The following FAM13C variants were observed in gnomAD, a reference collection of about 807,000 sequenced individuals.
The protein encoded by FAM13C is protein FAM13C.
A neutral mutation model predicts 73.2 loss-of-function variants in FAM13C; 37 were observed. The observed-to-expected ratio is 0.51, with a 90% CI of 0.39 to 0.67. The LOEUF (loss-of-function observed/expected upper bound fraction) is 0.67. Among genes scored for constraint, FAM13C ranks in the 30% least tolerant of loss-of-function variants. The pLI, the probability that FAM13C is intolerant of heterozygous loss-of-function variation, is 0.00. For missense variants in FAM13C, 589 were observed against 715.6 expected, an observed-to-expected ratio of 0.82 and a Z score of 2.02; for synonymous variants, 246 against 260.9, an observed-to-expected ratio of 0.94 and a Z score of 0.55.
intron 9 of FAM13C, 50 bp downstream of exon 9, chr10:59,264,035 A>T: frequency 6.6e-7 from 1 of 1,507,990 alleles, no homozygotes; most frequent in Non-Finnish European, 9.2e-7. Context: ...CATTATCACT[A>T]GTTTAACTGC....
rs751452199 is a variant in FAM13C at position 59,352,489 on chromosome 10, A to T, written c.120-15T>A. ...TGTTTTCATCTCTAAAACAGGAAAG[A>T]CCCAATTTAGAAAGTACCTTAAAAA... On this transcript the variant is annotated splice_polypyrimidine_tract_variant and intron_variant, in intron 2 of 13. Transcript: ENST00000618804. The T allele has an allele frequency of 6.3e-7, 1 of 1,583,734 alleles. No homozygotes were observed. Among genetic ancestry groups the T allele is most frequent in the Non-Finnish European group, 8.6e-7 (1 of 1,165,116 alleles).
rs1840704708 is a variant in FAM13C at position 59,246,315 on chromosome 10, TAAAC to T, written c.*1295_*1298del. ...CCTGTTAGAAGTAGATGACTTCAAT[TAAAC>T]AAATTTATGAAGGACATTATTCTGA... On this transcript the variant is annotated 3_prime_UTR_variant, in exon 14 of 14. Coordinates refer to ENST00000618804, the MANE Select transcript of FAM13C (RefSeq NM_198215.4). The T allele has an allele frequency of 5.3e-6, 1 of 188,694 alleles. No individual in the cohort carries two copies. Among genetic ancestry groups the T allele is most frequent in the Non-Finnish European group, 1.1e-5 (1 of 92,098 alleles). 11.7% of individuals were successfully genotyped at this position (188,694 alleles called of 1,614,324 possible).
At position 59,246,913 on chromosome 10, in the gene FAM13C, T is replaced by C. The variant is rs1589312305; in HGVS notation, c.*701A>G. 2 of 300,344 alleles carry C rather than the reference T, an allele frequency of 6.7e-6. No individual in the cohort carries two copies. The highest frequency in any genetic ancestry group is 9.6e-4 in the Middle Eastern group (1 of 1,038). 18.6% of individuals were successfully genotyped at this position (300,344 alleles called of 1,614,324 possible). A position where few individuals can be genotyped will look rare whatever the true frequency, so the allele number is the denominator to read the frequency against. On this transcript the variant is annotated 3_prime_UTR_variant, in exon 14 of 14. Transcript: ENST00000618804. ...TTTTTAATACAATATTTTATTTTAA[T>C]ATAAACATCTGTCAGTTATAGACAA...
chr10:59,253,060 A>T, intron 11 of FAM13C, 62 bp from the exon 12 acceptor site: 1 of 1,521,654 alleles, frequency 6.6e-7, no homozygotes, highest in Non-Finnish European at 9.1e-7. Flanking sequence ...TTGAGGAAAC[A>T]AAAACAGGAA....
Position 59,355,916 on chromosome 10 carries a change from A to C in FAM13C, c.90T>G (p.His30Gln), listed in dbSNP as rs140537206. 1.9e-6 allele frequency: 3 copies of C among 1,613,924 alleles called. No individual in the cohort carries two copies. The African/African-American group carries it at 4.0e-5, about 22-fold the overall frequency. ...GACTGGAGCAATCAGTCTGGTCTTC[A>C]TGTAGAGAGACTGGATCTTCGTCAC... ...TECDEDPVSL[H>Q]EDQTDCSSLR... The change falls in exon 2 of 14, where the codon CAT (histidine) becomes CAG (glutamine). Residue 30 changes from histidine to glutamine, a missense_variant. By Grantham distance (24) the His-to-Gln change is conservative. Transcript: ENST00000618804.
Position 59,300,683 on chromosome 10 carries a change from C to G in FAM13C, c.507+2118G>C, listed in dbSNP as rs115895571. 378 of 152,284 alleles carry G rather than the reference C, an allele frequency of 2.5e-3. 2 individuals carry two copies. Among genetic ancestry groups the G allele is most frequent in the African/African-American group, 8.6e-3 (356 of 41,568 alleles). The allele number at this position is 152,284 out of a possible 1,614,324, so 9.4% of individuals were successfully genotyped here. A position where few individuals can be genotyped will look rare whatever the true frequency, so the allele number is the denominator to read the frequency against. ...ACAGCAAGGCAAATGAAAACTATGACTATATACCAAACATGAATGACCCTC... is the reference window on the plus strand; with the variant it reads ...ACAGCAAGGCAAATGAAAACTATGAGTATATACCAAACATGAATGACCCTC... On this transcript the variant is annotated intron_variant, in intron 5 of 13. Transcript: ENST00000618804.
chr10:59,292,207 G>A (rs1302890023), intron 5 of FAM13C, among the ~76,000 whole-genome samples: 1 of 152,142 alleles, frequency 6.6e-6, no homozygotes, highest in East Asian at 1.9e-4. Flanking sequence ...TTTCTCAATG[G>A]AGTTACTAGT....
At chr10:59,358,485 T>C (rs868741816) in intron 1 of FAM13C, among the ~76,000 whole-genome samples, 1 of 152,236 alleles carries the variant, frequency 6.6e-6, no homozygotes, top group African/African-American at 2.4e-5. Flanking sequence ...TACCGCTTTG[T>C]TCCCCTTCAT....
At chr10:59,258,028 A>G (rs1402390808) in intron 10 of FAM13C, among the ~76,000 whole-genome samples, 1 of 152,204 alleles carries the variant, frequency 6.6e-6, no homozygotes, top group Non-Finnish European at 1.5e-5. Context: ...ATCCATTAAT[A>G]AAAAAGAATG....
At chr10:59,286,560 G>T (rs1379034668) in intron 5 of FAM13C, among the ~76,000 whole-genome samples, 1 of 129,238 alleles carries the variant, frequency 7.7e-6, no homozygotes, top group African/African-American at 3.0e-5. Context: ...ACAGAAAGTA[G>T]AATGGTGGTT....
intron 3 of FAM13C, among the ~76,000 whole-genome samples, chr10:59,351,244 G>A (rs762768342): frequency 1.3e-4 from 20 of 149,802 alleles, no homozygotes; most frequent in Non-Finnish European, 2.2e-4. Context: ...GAGGTGGGAG[G>A]ATCACTTGAA....
At chr10:59,329,637 C>G (rs1160595790) in intron 3 of FAM13C, among the ~76,000 whole-genome samples, 1 of 152,028 alleles carries the variant, frequency 6.6e-6, no homozygotes, top group South Asian at 2.1e-4. Flanking sequence ...AGATTACAGT[C>G]GTAAGCAACT....
chr10:59,268,741 T>C, intron 7 of FAM13C, 50 bp from the exon 8 acceptor site: 1 of 1,587,048 alleles, frequency 6.3e-7, no homozygotes, highest in Non-Finnish European at 8.6e-7. Flanking sequence ...GGGCTTCCAG[T>C]AAACAGTTCT....
intron 8 of FAM13C, among the ~76,000 whole-genome samples, chr10:59,267,305 A>G (rs1325549226): frequency 6.6e-6 from 1 of 152,214 alleles, no homozygotes; most frequent in Non-Finnish European, 1.5e-5. Flanking sequence ...TTTTACTTCT[A>G]TTCTATTGCA....
chr10:59,248,190 T>C (rs958808998), intron 13 of FAM13C, among the ~76,000 whole-genome samples: 3 of 152,170 alleles, frequency 2.0e-5, no homozygotes, highest in African/African-American at 7.2e-5. Flanking sequence ...CATAAACCTA[T>C]GGTAACAAGA....
chr10:59,353,380 A>G (rs531263392), intron 2 of FAM13C, among the ~76,000 whole-genome samples: 68 of 152,314 alleles, frequency 4.5e-4, no homozygotes, highest in African/African-American at 1.6e-3. Flanking sequence ...GGCCTTCTCT[A>G]TATAATCAAT....
intron 3 of FAM13C, among the ~76,000 whole-genome samples, chr10:59,329,366 TTTTTTTTTTTTG>T (rs1851647915): frequency 1.3e-5 from 1 of 77,668 alleles, no homozygotes; most frequent in African/African-American, 5.7e-5. Flanking sequence ...TTTTTTTTTT[TTTTTTTTTTTTG>T]AGACAGAATC....
intron 3 of FAM13C, among the ~76,000 whole-genome samples, chr10:59,329,181 C>T (rs1851592252): frequency 6.6e-6 from 1 of 152,006 alleles, no homozygotes; most frequent in Non-Finnish European, 1.5e-5. Context: ...GCAGTTTCTT[C>T]AGATCTATTT....
At position 59,246,527 on chromosome 10, in the gene FAM13C, A is replaced by G. The variant is rs1840723577; in HGVS notation, c.*1087T>C. On this transcript the variant is annotated 3_prime_UTR_variant, in exon 14 of 14. Coordinates refer to ENST00000618804, the MANE Select transcript of FAM13C (RefSeq NM_198215.4). Reference sequence around the variant, plus strand: ...AAACAAGGTTGGTACATGAGAGAAAATGTTGACCTTTTACTTCCTTTTACA... The same window carrying G: ...AAACAAGGTTGGTACATGAGAGAAAGTGTTGACCTTTTACTTCCTTTTACA... 2.5e-6 allele frequency: 1 copy of G among 393,010 alleles called. No homozygotes were observed. Among genetic ancestry groups the G allele is most frequent in the South Asian group, 1.4e-4 (1 of 7,198 alleles). The allele number at this position is 393,010 out of a possible 1,614,324, so 24.3% of individuals were successfully genotyped here.
Sources: gnomAD v4.1 joint callset for allele counts (sites outside exome capture counted in the v4.1 genomes callset) on GRCh38, gnomAD v4.1.1 for gene constraint, MANE v1.5 for transcripts, NCBI Gene and HGNC (gene_info 2026-07-23, HGNC 2026-07-21) for gene names.